The following AQR variants were observed in gnomAD, a reference collection of about 807,000 sequenced individuals.
AQR encodes aquarius intron-binding spliceosomal factor, also known as RNA helicase aquarius.
Under a neutral mutation model 180.5 loss-of-function variants are expected in AQR, and 61 were observed. The ratio of observed to expected loss-of-function variants is 0.34; its 90% CI spans 0.28 to 0.42. The LOEUF is 0.42. AQR is among the 10% of genes least tolerant of loss of function. AQR has a pLI of 1.00. For synonymous variants in AQR, 551 were observed against 588.8 expected (o/e 0.94, Z 0.93); for missense variants, 1,281 against 1,798.3 (o/e 0.71, Z 5.20).
At chr15:34,884,776 G>A (rs2050370652) in intron 25 of AQR, 42 bp from the exon 26 acceptor site, 2 of 1,437,476 alleles carry the variant, frequency 1.4e-6, no homozygotes, top group Non-Finnish European at 1.9e-6. Flanking sequence ...AGCTAATTAT[G>A]ATGTTTTAAA....
Position 34,897,565 on chromosome 15 carries a change from G to A in AQR, c.2384C>T (p.Pro795Leu). The part of the protein sequence containing the change: ...PNRGPYPYNQ[P>L]KRNTIQFTHT... Reference sequence around the variant, plus strand: ...TAATAGGTAGTAAAATTACCGTTTGGGTTGATTATAAGGATAAGGACCCCT... The same window carrying A: ...TAATAGGTAGTAAAATTACCGTTTGAGTTGATTATAAGGATAAGGACCCCT... The change falls in exon 21 of 35, where the codon CCC becomes CTC. Residue 795 changes from proline to leucine, a missense_variant. Transcript: ENST00000156471. 1 of 1,613,876 alleles carries A rather than the reference G, an allele frequency of 6.2e-7. No individual in the cohort carries two copies. Among genetic ancestry groups the A allele is most frequent in the Non-Finnish European group, 8.5e-7 (1 of 1,179,900 alleles).
intron 4 of AQR, among the ~76,000 whole-genome samples, chr15:34,951,842 T>C (rs1031683468): frequency 2.0e-5 from 3 of 152,150 alleles, no homozygotes; most frequent in Non-Finnish European, 4.4e-5. Context: ...AGGCACGATA[T>C]GATGGAAAGA....
intron 15 of AQR, 63 bp downstream of exon 15, chr15:34,918,195 A>G: frequency 6.4e-7 from 1 of 1,569,340 alleles, no homozygotes; most frequent in Non-Finnish European, 8.7e-7. Flanking sequence ...ATAATTGCCA[A>G]TTATATATGA....
In AQR at chr15:34,856,991, C is replaced by T. The variant is rs759041598; in HGVS notation, c.4259G>A (p.Ser1420Asn). ...TTGACGGCAGCTGGTGTCTGTTGGACTGGGTATGATGTCAGCTTGAACAGT... is the reference window on the plus strand; with the variant it reads ...TTGACGGCAGCTGGTGTCTGTTGGATTGGGTATGATGTCAGCTTGAACAGT... Reference protein sequence around the residue: ...AMTVQADIIPSPTDTSCRQET... With the variant: ...AMTVQADIIPNPTDTSCRQET... Residue 1420 changes from serine to asparagine, a missense_variant, in exon 35 of 35, where the codon AGT (serine) becomes AAT (asparagine). By Grantham distance (46) the Ser-to-Asn change is conservative. Around this residue, in one of 9 missense-constraint regions of AQR, gnomAD observed 182 missense variants for 185.3 expected, o/e 0.98. Transcript: ENST00000156471. The T allele has an allele frequency of 1.2e-6, 2 of 1,614,102 alleles. No homozygotes were observed. The highest frequency in any genetic ancestry group is 1.1e-5 in the South Asian group (1 of 91,074).
intron 27 of AQR, among the ~76,000 whole-genome samples, chr15:34,880,132 C>A (rs529969177): frequency 8.5e-5 from 13 of 152,084 alleles, no homozygotes; most frequent in Admixed American, 4.6e-4. Context: ...ACAGAGAAAA[C>A]GGAACAATTC....
At chr15:34,952,615 A>G (rs1017888102) in intron 4 of AQR, among the ~76,000 whole-genome samples, 2 of 152,240 alleles carry the variant, frequency 1.3e-5, no homozygotes, top group African/African-American at 2.4e-5. Context: ...TCCACTGATC[A>G]CTACAGAAAC....
chr15:34,946,179 G>C (rs529067626), intron 5 of AQR, among the ~76,000 whole-genome samples: 40 of 152,296 alleles, frequency 2.6e-4, no homozygotes, highest in African/African-American at 9.6e-4. Context: ...GCAGAGGCAG[G>C]AGAATTGCTG....
Position 34,910,122 on chromosome 15 carries a change from A to T in AQR, c.1663+13T>A, listed in dbSNP as rs886316099. 5 of 1,613,006 alleles carry T rather than the reference A, an allele frequency of 3.1e-6. No homozygotes were observed. In the African/African-American group the frequency reaches 6.7e-5, roughly 22 times the overall value. ...GGCAAAAGGTAATGTCACTTTTTGA[A>T]ATACAAACTTACCTTCCCATTCATC... is the stretch of plus-strand genomic sequence containing the variant. On this transcript the variant is annotated intron_variant, in intron 17 of 34. Transcript: ENST00000156471.
rs980077150 is a variant in AQR, at chr15:34,940,952, G to A, written c.588C>T (p.Phe196=). ...CATCATTCTTTTTAATCAAGTTCCA[G>A]AATTTTCTTAGCTTAGGTGTCTTTT... is the stretch of plus-strand genomic sequence containing the variant. The part of the protein sequence containing the change: ...ELKKTPKLRK[F]WNLIKKNDEK... The change falls in exon 8 of 35, where the codon TTC becomes TTT. Residue 196 remains phenylalanine, a synonymous_variant. Transcript: ENST00000156471. 1.9e-6 allele frequency: 3 copies of A among 1,611,056 alleles called. No homozygotes were observed. The highest frequency in any genetic ancestry group is 2.5e-6 in the Non-Finnish European group (3 of 1,178,826).
intron 1 of AQR, 86 bp from the exon 2 acceptor site, chr15:34,964,376 CT>C: frequency 9.0e-7 from 1 of 1,112,712 alleles, no homozygotes; most frequent in Non-Finnish European, 1.3e-6. Flanking sequence ...TAAGCGGTTT[CT>C]TAACAAGGCC....
At position 34,952,884 on chromosome 15, in the gene AQR, C is replaced by T. The variant is rs768502873; in HGVS notation, c.209+1G>A. 3 of 1,468,158 alleles carry T rather than the reference C, an allele frequency of 2.0e-6. No homozygotes were observed. The highest frequency in any genetic ancestry group is 3.9e-5 in the Admixed American group (2 of 51,310). The allele number at this position is 1,468,158 out of a possible 1,614,324, so 90.9% of individuals were successfully genotyped here. A position where few individuals can be genotyped will look rare whatever the true frequency, so the allele number is the denominator to read the frequency against. On this transcript the variant is annotated splice_donor_variant, in intron 4 of 34. Coordinates refer to ENST00000156471, the MANE Select transcript of AQR (RefSeq NM_014691.3). LOFTEE classifies it high-confidence loss of function. ...CATCAATGGAATGCCTTATAACTTACCTAAATTCCAAGAGCATTATCTTTC... is the reference window on the plus strand; with the variant it reads ...CATCAATGGAATGCCTTATAACTTATCTAAATTCCAAGAGCATTATCTTTC...
intron 1 of AQR, 69 bp downstream of exon 1, chr15:34,969,470 C>A (rs112630971): frequency 2.9e-4 from 449 of 1,550,592 alleles, no homozygotes; most frequent in African/African-American, 1.9e-3. Flanking sequence ...TGAAAAAAAA[C>A]CCCACCACCA....
rs1462603700 is a variant in AQR at position 34,959,032 on chromosome 15, T to C, written c.173+1742A>G. Among the ~76,000 whole-genome samples the C allele has an allele frequency of 2.0e-5, 3 of 152,004 alleles. No individual in the cohort carries two copies. In the East Asian group the frequency reaches 5.8e-4, roughly 29 times the overall value. On this transcript the variant is annotated intron_variant, in intron 3 of 34. Transcript: ENST00000156471. Reference sequence around the variant, plus strand: ...ATAGATATAGATATAGATATATAGATATCTGTCTGTCCGTCTGTCTGACCT... The same window carrying C: ...ATAGATATAGATATAGATATATAGACATCTGTCTGTCCGTCTGTCTGACCT...
intron 27 of AQR, among the ~76,000 whole-genome samples, chr15:34,877,253 T>G (rs186174371): frequency 2.0e-5 from 3 of 152,336 alleles, no homozygotes; most frequent in East Asian, 1.9e-4. Flanking sequence ...CTACTTAGTA[T>G]GACATCTTGT....
In AQR at chr15:34,948,304, A is replaced by T. The variant is rs1440719240; in HGVS notation, c.290T>A (p.Met97Lys). The T allele has an allele frequency of 6.2e-7, 1 of 1,613,606 alleles. No homozygotes were observed. Among genetic ancestry groups the T allele is most frequent in the Non-Finnish European group, 8.5e-7 (1 of 1,179,962 alleles). ...SKAYLMSICCMVNEKFRENVP... is the reference protein window; with the variant it reads ...SKAYLMSICCKVNEKFRENVP... Reference sequence around the variant, plus strand: ...GTTTTCTCTAAACTTCTCATTCACCATACAGCAGATTGACATTAAATAGGC... The same window carrying T: ...GTTTTCTCTAAACTTCTCATTCACCTTACAGCAGATTGACATTAAATAGGC... The change falls in exon 5 of 35, where the codon ATG (methionine) becomes AAG (lysine). Residue 97 changes from methionine to lysine, a missense_variant. By Grantham distance (95) the Met-to-Lys change is moderately conservative. Around this residue, in one of 9 missense-constraint regions of AQR, gnomAD observed 404 missense variants for 490.9 expected, o/e 0.82. Coordinates refer to ENST00000156471, the MANE Select transcript of AQR (RefSeq NM_014691.3).
chr15:34,924,159 G>A (rs1159516048), intron 13 of AQR, among the ~76,000 whole-genome samples: 1 of 152,090 alleles, frequency 6.6e-6, no homozygotes, highest in Non-Finnish European at 1.5e-5. Context: ...AGTTTTCATA[G>A]AGTATTAAAG....
Position 34,904,458 on chromosome 15 carries a change from C to T in AQR, c.1879G>A (p.Val627Met), listed in dbSNP as rs1160163138. 6.2e-7 allele frequency: 1 copy of T among 1,612,212 alleles called. No individual in the cohort carries two copies. Among genetic ancestry groups the T allele is most frequent in the Non-Finnish European group, 8.5e-7 (1 of 1,179,114 alleles). ...NLRGESRTFRVFLDPNQYQQD... is the reference protein window; with the variant it reads ...NLRGESRTFRMFLDPNQYQQD... Reference sequence around the variant, plus strand: ...TGATACTGGTTTGGATCCAAAAACACTCTAAATGTCCTTGATTCTCCTCTA... The same window carrying T: ...TGATACTGGTTTGGATCCAAAAACATTCTAAATGTCCTTGATTCTCCTCTA... The change falls in exon 19 of 35, where the codon GTG becomes ATG. Residue 627 changes from valine to methionine, a missense_variant. By Grantham distance (21) the Val-to-Met change is conservative. Around this residue, in one of 9 missense-constraint regions of AQR, gnomAD observed 200 missense variants for 293.4 expected, o/e 0.68. Transcript: ENST00000156471.
intron 8 of AQR, 30 bp downstream of exon 8, chr15:34,940,869 C>G: frequency 6.5e-7 from 1 of 1,526,974 alleles, no homozygotes; most frequent in Non-Finnish European, 9.0e-7. Flanking sequence ...GCATAATAAG[C>G]CAACATGAAA....
chr15:34,959,312 G>A (rs558716805), intron 3 of AQR, among the ~76,000 whole-genome samples: 2 of 152,036 alleles, frequency 1.3e-5, no homozygotes, highest in East Asian at 1.9e-4. Context: ...ACAGCCATAC[G>A]CCACCATGTC....
Sources: gnomAD v4.1 joint callset for allele counts (sites outside exome capture counted in the v4.1 genomes callset) on GRCh38, gnomAD v4.1.1 for gene constraint, gnomAD v4.1.1 regional missense constraint, MANE v1.5 for transcripts, NCBI Gene and HGNC (gene_info 2026-07-23, HGNC 2026-07-21) for gene names.